Variants in FUT8 observed in about 807,000 individuals in gnomAD.
FUT8 encodes the protein alpha-(1,6)-fucosyltransferase.
FUT8 carries 29 observed loss-of-function variants against 71.3 expected under a neutral mutation model. That is an observed-to-expected ratio of 0.41 (90% CI 0.30 to 0.55). The LOEUF is 0.55. Among genes scored for constraint, FUT8 ranks in the 20% least tolerant of loss-of-function variants. FUT8 has a pLI of 0.34. For missense variants in FUT8, 544 were observed against 702.1 expected, an observed-to-expected ratio of 0.77 and a Z score of 2.55; for synonymous variants, 254 against 239.3, an observed-to-expected ratio of 1.06 and a Z score of -0.57.
the FUT8 span, among the ~76,000 whole-genome samples, chr14:65,358,269 C>T: frequency 9.5e-3 from 1,449 of 152,154 alleles, 26 homozygotes; most frequent in African/African-American, 0.033. Context: ...ATAAAGTATA[C>T]ACATGCATTG....
chr14:65,459,310 G>T (rs2065939495), intron 2 of FUT8, among the ~76,000 whole-genome samples: 1 of 151,904 alleles, frequency 6.6e-6, no homozygotes, highest in South Asian at 2.1e-4. Context: ...GAAAATAAAA[G>T]CCATATTTAA....
rs1376039084 is a variant in FUT8 at position 65,616,390 on chromosome 14, A to T, written c.482+17A>T. On this transcript the variant is annotated intron_variant, in intron 5 of 10. Transcript: ENST00000673929. ...TCATGAAAGGTACTATTCTCCTTTC[A>T]CATTTTATTTGGGCTTTAGAAAAGA... is the stretch of plus-strand genomic sequence containing the variant. 2 of 1,540,008 alleles carry T rather than the reference A, an allele frequency of 1.3e-6. No homozygotes were observed. The highest frequency in any genetic ancestry group is 1.7e-6 in the Non-Finnish European group (2 of 1,143,304).
rs1884178510 is a variant in FUT8, at chr14:65,534,709, GC to G, written c.-227-26626del. On this transcript the variant is annotated intron_variant, in intron 2 of 10. Transcript: ENST00000673929. ...TTTTTCTAGACTTTCTAGTTTTTGT[GC>G]CTAAAGGTGTTCATAATTGTCTGGT... 2.0e-5 allele frequency among the ~76,000 whole-genome samples: 3 copies of G among 151,914 alleles called. No individual in the cohort carries two copies. In the South Asian group the frequency reaches 6.2e-4, roughly 32 times the overall value.
chr14:65,487,887 G>C (rs1028698938), intron 2 of FUT8, among the ~76,000 whole-genome samples: 1 of 152,166 alleles, frequency 6.6e-6, no homozygotes, highest in Non-Finnish European at 1.5e-5. Context: ...GAGTACAGTG[G>C]TGTGATCATA....
intron 2 of FUT8, among the ~76,000 whole-genome samples, chr14:65,542,242 C>T (rs762809842): frequency 5.9e-5 from 9 of 152,100 alleles, no homozygotes; most frequent in African/African-American, 2.2e-4. Flanking sequence ...AATGCAGGTT[C>T]GGATATGTCC....
At chr14:65,600,873 T>C (rs1222817759) in intron 3 of FUT8, among the ~76,000 whole-genome samples, 1 of 152,176 alleles carries the variant, frequency 6.6e-6, no homozygotes. Context: ...TTGCCTTCTT[T>C]TAACACATTT....
intron 3 of FUT8, among the ~76,000 whole-genome samples, chr14:65,615,300 G>A (rs1199491903): frequency 6.6e-6 from 1 of 151,968 alleles, no homozygotes; most frequent in Non-Finnish European, 1.5e-5. Context: ...AATGATGGGG[G>A]ATTGCTGTGT....
chr14:65,702,368 A>C (rs1027386884), intron 7 of FUT8, among the ~76,000 whole-genome samples: 4 of 152,056 alleles, frequency 2.6e-5, no homozygotes, highest in African/African-American at 9.7e-5. Context: ...AAAGGGAACA[A>C]GAAAGTACCT....
the FUT8 span, among the ~76,000 whole-genome samples, chr14:65,395,285 T>C: frequency 6.6e-6 from 1 of 152,210 alleles, no homozygotes; most frequent in African/African-American, 2.4e-5. Context: ...GTGGCCCTCT[T>C]GTCACAGCTC....
intron 6 of FUT8, among the ~76,000 whole-genome samples, chr14:65,654,493 C>G (rs1236154447): frequency 6.6e-6 from 1 of 151,808 alleles, no homozygotes; most frequent in East Asian, 1.9e-4. Flanking sequence ...GAGACTGATG[C>G]AGGAGAAGTG....
At chr14:65,365,480 C>T in the FUT8 span, among the ~76,000 whole-genome samples, 1 of 152,018 alleles carries the variant, frequency 6.6e-6, no homozygotes, top group African/African-American at 2.4e-5. Context: ...GCTGCCTTCC[C>T]AGATGGTTAA....
intron 7 of FUT8, among the ~76,000 whole-genome samples, chr14:65,697,309 A>C (rs1363457810): frequency 6.6e-6 from 1 of 152,146 alleles, no homozygotes; most frequent in East Asian, 1.9e-4. Flanking sequence ...CTCCTGAAAT[A>C]GGCAGTTCTT....
chr14:65,730,213 T>G (rs1034811085), intron 9 of FUT8, among the ~76,000 whole-genome samples: 1 of 152,194 alleles, frequency 6.6e-6, no homozygotes, highest in Non-Finnish European at 1.5e-5. Context: ...TGTATAGTGT[T>G]CACACAGTCA....
At chr14:65,584,537 A>T (rs1887271040) in intron 3 of FUT8, among the ~76,000 whole-genome samples, 1 of 152,220 alleles carries the variant, frequency 6.6e-6, no homozygotes, top group South Asian at 2.1e-4. Context: ...AAAGAAAGTG[A>T]ATTACTGTCT....
At chr14:65,722,063 G>A (rs1478352651) in intron 8 of FUT8, 42 bp downstream of exon 8, 1 of 1,602,056 alleles carries the variant, frequency 6.2e-7, no homozygotes, top group East Asian at 2.2e-5. Context: ...ATATGTAGTA[G>A]TTAGGGTTAT....
intron 2 of FUT8, among the ~76,000 whole-genome samples, chr14:65,497,849 T>G (rs1363959192): frequency 1.3e-5 from 2 of 152,130 alleles, no homozygotes; most frequent in Admixed American, 1.3e-4. Flanking sequence ...TTACTCAGTT[T>G]ATAGTCTCCG....
At chr14:65,579,530 T>G (rs903283552) in intron 3 of FUT8, among the ~76,000 whole-genome samples, 2 of 152,294 alleles carry the variant, frequency 1.3e-5, no homozygotes, top group Admixed American at 1.3e-4. Context: ...AATGGCACAT[T>G]AAACACAAGT....
chr14:65,387,330 G>A, the FUT8 span, among the ~76,000 whole-genome samples: 1 of 152,060 alleles, frequency 6.6e-6, no homozygotes, highest in African/African-American at 2.4e-5. Context: ...TCCACATATC[G>A]CCAAGTTTTT....
rs149205493 is a variant in FUT8 at position 65,671,965 on chromosome 14, A to C, written c.835+2485A>C. Reference sequence around the variant, plus strand: ...TATTTCCTTTGTCACCATTACTGTGAAATTATTATTGTTCATACATAACTT... The same window carrying C: ...TATTTCCTTTGTCACCATTACTGTGCAATTATTATTGTTCATACATAACTT... On this transcript the variant is annotated intron_variant, in intron 7 of 10. Transcript: ENST00000673929. 2.0e-3 allele frequency among the ~76,000 whole-genome samples: 311 copies of C among 152,318 alleles called. 3 individuals are homozygous for C. The highest frequency in any genetic ancestry group is 0.016 in the Admixed American group (247 of 15,296).
Sources: allele counts gnomAD v4.1 joint callset (sites outside exome capture counted in the v4.1 genomes callset), GRCh38; gene constraint gnomAD v4.1.1; transcripts MANE v1.5; gene names NCBI Gene and HGNC (gene_info 2026-07-23, HGNC 2026-07-21).